The following HELZ variants were observed in gnomAD, a reference collection of about 807,000 sequenced individuals.
The protein encoded by HELZ is ATP-dependent RNA helicase with zinc finger domain.
A neutral mutation model predicts 218.2 loss-of-function variants in HELZ; 23 were observed. The ratio of observed to expected loss-of-function variants is 0.11; its 90% CI spans 0.08 to 0.15. The LOEUF (loss-of-function observed/expected upper bound fraction) is 0.15, where lower values mean the gene tolerates loss of function less well. Ranked by LOEUF, HELZ falls within the 10% of genes least tolerant of loss-of-function variation. HELZ has a pLI of 1.00. For missense variants in HELZ, 1,813 were observed against 2,353.7 expected (o/e 0.77, Z 4.75); for synonymous variants, 814 against 829.4 (o/e 0.98, Z 0.32).
intron 1 of HELZ, among the ~76,000 whole-genome samples, chr17:67,244,385 G>C (rs560751826): frequency 1.3e-5 from 2 of 152,348 alleles, no homozygotes; most frequent in African/African-American, 4.8e-5. Context: ...CCTGTCTGAA[G>C]ATTTCTCAGC....
chr17:67,087,623 G>A (rs1037617817), intron 31 of HELZ, among the ~76,000 whole-genome samples: 2 of 152,024 alleles, frequency 1.3e-5, no homozygotes, highest in Non-Finnish European at 2.9e-5. Flanking sequence ...CCTGTCCAAC[G>A]TAAGTACTCT....
chr17:67,086,625 AATATAAATATATAT>A (rs1279058374), intron 32 of HELZ, among the ~76,000 whole-genome samples, 190 bp downstream of exon 32: 2 of 38,548 alleles, frequency 5.2e-5, no homozygotes, highest in Admixed American at 2.7e-4. Context: ...AATAAATATA[AATATAAATATATAT>A]ATATATATAT....
chr17:67,244,718 G>A (rs989553527), intron 1 of HELZ: 17 of 984,770 alleles, frequency 1.7e-5, no homozygotes, highest in Non-Finnish European at 2.0e-5. Context: ...GAGGCCTGAG[G>A]GGGGGCATCG....
chr17:67,224,443 T>A (rs2040836591), intron 3 of HELZ: 1 of 227,436 alleles, frequency 4.4e-6, no homozygotes, highest in Non-Finnish European at 8.7e-6. Context: ...CCAAGAAACT[T>A]TTTTCCAGCT....
intron 13 of HELZ, among the ~76,000 whole-genome samples, chr17:67,176,017 G>A (rs1057510204): frequency 6.6e-6 from 1 of 151,990 alleles, no homozygotes; most frequent in Non-Finnish European, 1.5e-5. Flanking sequence ...TCATACCTAA[G>A]GGCTTTTTTA....
chr17:67,187,048 A>G (rs1224902821), intron 12 of HELZ, among the ~76,000 whole-genome samples: 1 of 152,190 alleles, frequency 6.6e-6, no homozygotes, highest in Non-Finnish European at 1.5e-5. Context: ...AGAGCTGAGT[A>G]GTTGCAACAG....
intron 4 of HELZ, among the ~76,000 whole-genome samples, chr17:67,217,902 G>T (rs1230917739): frequency 1.1e-4 from 15 of 142,506 alleles, no homozygotes; most frequent in African/African-American, 3.6e-4. Context: ...CTATGGTGGG[G>T]TTTTTTTTTT....
intron 32 of HELZ, among the ~76,000 whole-genome samples, chr17:67,083,819 G>A (rs2036271973): frequency 6.6e-6 from 1 of 152,220 alleles, no homozygotes; most frequent in African/African-American, 2.4e-5. Context: ...TAATTGCACA[G>A]AATCTAGTTT....
rs1275902543 is a variant in HELZ at position 67,074,548 on chromosome 17, A to G, written c.*3704T>C. 2 of 152,180 alleles carry G rather than the reference A, an allele frequency of 1.3e-5. No individual in the cohort carries two copies. The highest frequency in any genetic ancestry group is 2.9e-5 in the Non-Finnish European group (2 of 67,994). The allele number at this position is 152,180 out of a possible 1,614,324, so 9.4% of individuals were successfully genotyped here. A position where few individuals can be genotyped will look rare whatever the true frequency, so the allele number is the denominator to read the frequency against. On this transcript the variant is annotated 3_prime_UTR_variant, in exon 33 of 33. Transcript: ENST00000358691. ...CTCTAGCTAAGGGGGCTAGAGAAACATCTTTTACGTCTGCAGCTTTGCTCT... is the reference window on the plus strand; with the variant it reads ...CTCTAGCTAAGGGGGCTAGAGAAACGTCTTTTACGTCTGCAGCTTTGCTCT...
At chr17:67,103,147 T>C (rs1056878637) in intron 31 of HELZ, among the ~76,000 whole-genome samples, 16 of 151,936 alleles carry the variant, frequency 1.1e-4, no homozygotes, top group Admixed American at 1.0e-3. Flanking sequence ...AGTGAGAAAC[T>C]CCAAAGTCCA....
At chr17:67,166,982 C>G (rs2144148426) in intron 14 of HELZ, among the ~76,000 whole-genome samples, 1 of 152,248 alleles carries the variant, frequency 6.6e-6, no homozygotes, top group Admixed American at 6.5e-5. Flanking sequence ...TGTGAAGTAT[C>G]CAGTCGTGAG....
chr17:67,192,319 A>G (rs1224296406), intron 9 of HELZ, among the ~76,000 whole-genome samples: 2 of 152,210 alleles, frequency 1.3e-5, no homozygotes, highest in Non-Finnish European at 2.9e-5. Context: ...ATAGTAAGAA[A>G]TAAGAAATGA....
At chr17:67,129,003 T>C (rs2037891718) in intron 23 of HELZ, 148 bp from the exon 24 acceptor site, 1 of 657,920 alleles carries the variant, frequency 1.5e-6, no homozygotes, top group Non-Finnish European at 2.6e-6. Context: ...AAAATCTTTC[T>C]ACCAGATCAC....
intron 23 of HELZ, among the ~76,000 whole-genome samples, chr17:67,130,315 C>T (rs2037938147): frequency 6.6e-6 from 1 of 150,944 alleles, no homozygotes; most frequent in East Asian, 1.9e-4. Context: ...ACCACTTGTA[C>T]CCATAAAGCT....
rs758530487 is a variant in HELZ at position 67,195,411 on chromosome 17, G to T, written c.481+8C>A. 1 of 1,563,298 alleles carries T rather than the reference G, an allele frequency of 6.4e-7. No homozygotes were observed. The highest frequency in any genetic ancestry group is 8.8e-7 in the Non-Finnish European group (1 of 1,134,364). ...GCTACCAGAAGTTACACAGCATTTG[G>T]CACTTACCCTCATCTAAGTCTTCCA... On this transcript the variant is annotated splice_region_variant and intron_variant, in intron 8 of 32. Transcript: ENST00000358691.
At chr17:67,226,499 C>G (rs887211645) in intron 3 of HELZ, among the ~76,000 whole-genome samples, 1 of 152,066 alleles carries the variant, frequency 6.6e-6, no homozygotes, top group Non-Finnish European at 1.5e-5. Context: ...ATATTGATAA[C>G]ACCAAGGGAT....
intron 20 of HELZ, among the ~76,000 whole-genome samples, chr17:67,147,450 C>A (rs142608607): frequency 1.6e-4 from 24 of 152,216 alleles, no homozygotes; most frequent in African/African-American, 5.5e-4. Context: ...TGCCCCAAAG[C>A]AGGACTCTAA....
At chr17:67,095,442 G>A (rs2036714112) in intron 31 of HELZ, among the ~76,000 whole-genome samples, 1 of 152,186 alleles carries the variant, frequency 6.6e-6, no homozygotes, top group African/African-American at 2.4e-5. Flanking sequence ...CAGATACTGA[G>A]GAGGCTGAGG....
Position 67,179,141 on chromosome 17 carries a change from TA to T in HELZ, c.1163-216del, listed in dbSNP as rs541273438. Among the ~76,000 whole-genome samples, 140 of 149,326 alleles carry T rather than the reference TA, an allele frequency of 9.4e-4. 1 individual carries two copies. The highest frequency in any genetic ancestry group is 5.4e-4 in the Non-Finnish European group (36 of 67,060). On this transcript the variant is annotated intron_variant, in intron 12 of 32. Coordinates refer to ENST00000358691, the MANE Select transcript of HELZ (RefSeq NM_014877.4). ...AATAACATTAGTATAAATCCATGTT[TA>T]AAAAAAAAACTTTTTATCAGGCTAG...
Sources: allele counts gnomAD v4.1 joint callset (sites outside exome capture counted in the v4.1 genomes callset), GRCh38; gene constraint gnomAD v4.1.1; transcripts MANE v1.5; gene names NCBI Gene and HGNC (gene_info 2026-07-23, HGNC 2026-07-21).